The following ZSCAN31 variants were observed in gnomAD, a reference collection of about 807,000 sequenced individuals.
The protein encoded by ZSCAN31 is zinc finger and SCAN domain containing 31.
ZSCAN31 carries 14 observed loss-of-function variants against 22.5 expected under a neutral mutation model. The ratio of observed to expected loss-of-function variants is 0.62; its 90% CI spans 0.41 to 0.97. The LOEUF is 0.97. Among genes scored for constraint, ZSCAN31 ranks in the 50% least tolerant of loss-of-function variants. The probability of loss-of-function intolerance (pLI) is 0.00; values close to 1 mark genes in which losing one functional copy is unlikely to be tolerated. For synonymous variants in ZSCAN31, 168 were observed against 169.8 expected, an observed-to-expected ratio of 0.99 and a Z score of 0.08; for missense variants, 424 against 483.4, an observed-to-expected ratio of 0.88 and a Z score of 1.15.
chr6:28,335,644 T>C (rs1764102262), intron 1 of ZSCAN31, among the ~76,000 whole-genome samples: 1 of 152,182 alleles, frequency 6.6e-6, no homozygotes, highest in African/African-American at 2.4e-5. Context: ...CAGCTCCTGA[T>C]TGGTCCCGGA....
At chr6:28,328,949 TTCTC>T (rs1554141097) in intron 2 of ZSCAN31, among the ~76,000 whole-genome samples, 1 of 152,146 alleles carries the variant, frequency 6.6e-6, no homozygotes, top group Non-Finnish European at 1.5e-5. Flanking sequence ...GCTTTTTCCT[TTCTC>T]TCTCTTTCTC....
chr6:28,326,358 C>T lies in ZSCAN31; in HGVS notation c.1029G>A (p.Arg343=), dbSNP rs1763261656. ...LLSSCLVQHQ[R]IHTGEKRYQC... ...GATAGCGCTTCTCTCCAGTGTGTAT[C>T]CTCTGATGCTGAACAAGGCATGAGC... The change falls in exon 4 of 4, where the codon AGG becomes AGA. Residue 343 remains arginine (R), a synonymous_variant. Transcript: ENST00000344279. 1.2e-6 allele frequency: 2 copies of T among 1,614,168 alleles called. No individual in the cohort carries two copies.
chr6:28,345,906 A>G (rs1261985748), intron 2 of ZSCAN31, among the ~76,000 whole-genome samples: 2 of 152,178 alleles, frequency 1.3e-5, no homozygotes, highest in African/African-American at 4.8e-5. Context: ...TAAACACCCT[A>G]AGACAATAAT....
At chr6:28,345,644 C>T (rs531750567) in intron 2 of ZSCAN31, among the ~76,000 whole-genome samples, 1 of 152,302 alleles carries the variant, frequency 6.6e-6, no homozygotes, top group Non-Finnish European at 1.5e-5. Context: ...TAGGACTCAG[C>T]TAGTACTATT....
At chr6:28,338,664 A>G (rs1764294908), upstream of ZSCAN31, among the ~76,000 whole-genome samples, 1 of 152,090 alleles carries the variant, frequency 6.6e-6, no homozygotes, top group African/African-American at 2.4e-5. Flanking sequence ...AATATCACAA[A>G]CAAAAATCAG....
chr6:28,353,582 ATT>A (rs1765207322), intron 2 of ZSCAN31: 1 of 272,572 alleles, frequency 3.7e-6, no homozygotes, highest in African/African-American at 2.2e-5. Context: ...GAAGGAGTAG[ATT>A]AGGAAGCAAG....
At chr6:28,329,125 G>C (rs556769122) in intron 2 of ZSCAN31, among the ~76,000 whole-genome samples, 178 bp downstream of exon 2, 1 of 152,176 alleles carries the variant, frequency 6.6e-6, no homozygotes, top group Non-Finnish European at 1.5e-5. Context: ...TCTTGGAAGT[G>C]GATCCGCCCA....
At position 28,326,427 on chromosome 6, in the gene ZSCAN31, T is replaced by G; in HGVS notation, c.960A>C (p.Glu320Asp). The G allele has an allele frequency of 6.2e-7, 1 of 1,614,148 alleles. No individual in the cohort carries two copies. The highest frequency in any genetic ancestry group is 2.2e-5 in the East Asian group (1 of 44,886). ...CACACACTTTGCATTCATATGGTTTTTCCCCTGTGTGGATTCTTCTGTGTC... is the reference window on the plus strand; with the variant it reads ...CACACACTTTGCATTCATATGGTTTGTCCCCTGTGTGGATTCTTCTGTGTC... ...LTRHRRIHTG[E>D]KPYECKVCGK... is the part of the protein sequence containing the mutation. Residue 320 changes from glutamate to aspartate, a missense_variant, in exon 4 of 4, where the codon GAA becomes GAC. Glu to Asp is a conservative substitution (Grantham distance 45, BLOSUM62 2). Transcript: ENST00000344279.
At chr6:28,348,057 T>G (rs1764720554) in intron 2 of ZSCAN31, among the ~76,000 whole-genome samples, 1 of 151,608 alleles carries the variant, frequency 6.6e-6, no homozygotes, top group Admixed American at 6.6e-5. Flanking sequence ...TTTTTCTGTA[T>G]GATTGTTGGC....
rs78525390 is a variant in ZSCAN31, at chr6:28,346,291, T to A, written c.-370-4499A>T. 9.8e-3 allele frequency among the ~76,000 whole-genome samples: 1,469 copies of A among 149,706 alleles called. 28 individuals are homozygous for A. The highest frequency in any genetic ancestry group is 0.034 in the African/African-American group (1,384 of 40,826). ...GACAGGGAAAAATGAAGTTTGTCAC[T>A]CAAGTTATCCATTAGGTGTTCTCTT... is the stretch of plus-strand genomic sequence containing the variant. On this transcript the variant is annotated intron_variant, in intron 2 of 7. Transcript: ENST00000396838.
chr6:28,343,109 T>C lies in ZSCAN31; in HGVS notation c.-370-1317A>G, dbSNP rs213242. Among the ~76,000 whole-genome samples the C allele has an allele frequency of 6.7e-3, 1,016 of 152,302 alleles. 3 individuals are homozygous for C. The highest frequency in any genetic ancestry group is 0.019 in the African/African-American group (802 of 41,562). On this transcript the variant is annotated intron_variant, in intron 2 of 7. Transcript: ENST00000396838. The stretch of plus-strand genomic sequence containing the variant: ...AAAGTTCTGGCCCAGATAAGGCTCA[T>C]AGTGGGTCCACAGACACTCTCTGCC...
In ZSCAN31 at chr6:28,326,033, T is replaced by C. The variant is rs950526148; in HGVS notation, c.*133A>G. ...AACAGAATAAGCCACTTGAAAATCT[T>C]ACTTTCCAAGACGGCCCCATTTAGG... is the stretch of plus-strand genomic sequence containing the variant. On this transcript the variant is annotated 3_prime_UTR_variant, in exon 4 of 4. Coordinates refer to ENST00000344279, the MANE Select transcript of ZSCAN31 (RefSeq NM_030899.5). 2.7e-5 allele frequency: 22 copies of C among 820,818 alleles called. No homozygotes were observed. In the East Asian group the frequency reaches 5.1e-4, roughly 19 times the overall value. 50.8% of individuals were successfully genotyped at this position (820,818 alleles called of 1,614,324 possible).
At chr6:28,336,027 C>T (rs537911563) in intron 1 of ZSCAN31, 55 bp downstream of exon 1, 1 of 152,492 alleles carries the variant, frequency 6.6e-6, no homozygotes, top group African/African-American at 2.4e-5. Context: ...CTCCAAGGCA[C>T]AGACCTGAAA....
intron 1 of ZSCAN31, among the ~76,000 whole-genome samples, chr6:28,334,758 C>A (rs559856490): frequency 1.3e-5 from 2 of 152,112 alleles, no homozygotes; most frequent in African/African-American, 4.8e-5. Context: ...CTAGTTGGTA[C>A]AAACAGGTAT....
Position 28,329,668 on chromosome 6 carries a change from C to T in ZSCAN31, c.16G>A (p.Glu6Lys), listed in dbSNP as rs888371531. 1 of 1,612,454 alleles carries T rather than the reference C, an allele frequency of 6.2e-7. No homozygotes were observed. Among genetic ancestry groups the T allele is most frequent in the Non-Finnish European group, 8.5e-7 (1 of 1,179,024 alleles). The stretch of plus-strand genomic sequence containing the variant: ...TTCACAATCTTAAGATCGTACTGTT[C>T]CTCTGTTGAAGCCATTCCTGGGGTT... MASTE[E>K]QYDLKIVKVE... The change falls in exon 2 of 4, where the codon GAA becomes AAA. Residue 6 changes from glutamate (E) to lysine (K), a missense_variant. Transcript: ENST00000344279.
At chr6:28,327,582 C>T in intron 2 of ZSCAN31, 49 bp from the exon 3 acceptor site, 1 of 1,559,138 alleles carries the variant, frequency 6.4e-7, no homozygotes, top group Non-Finnish European at 8.7e-7. Context: ...TATAGGAGTA[C>T]AAGCTAATAC....
chr6:28,326,551 C>T lies in ZSCAN31; in HGVS notation c.836G>A (p.Arg279Lys). The T allele has an allele frequency of 6.2e-7, 1 of 1,614,166 alleles. No individual in the cohort carries two copies. The highest frequency in any genetic ancestry group is 1.3e-5 in the African/African-American group (1 of 75,038). ...CEECGKAFSR[R>K]SSLNEHRRSH... The stretch of plus-strand genomic sequence containing the variant: ...CCGCCGATGTTCATTCAGGCTTGAC[C>T]TCCGGCTGAAGGCCTTCCCACATTC... Residue 279 changes from arginine to lysine, a missense_variant, in exon 4 of 4, where the codon AGG becomes AAG. Transcript: ENST00000344279.
upstream of ZSCAN31, among the ~76,000 whole-genome samples, chr6:28,354,721 C>G (rs1212501075): frequency 6.6e-6 from 1 of 152,212 alleles, no homozygotes; most frequent in Non-Finnish European, 1.5e-5. Context: ...GCTTCCCTAC[C>G]TTTAGGGTGT....
At position 28,326,165 on chromosome 6, in the gene ZSCAN31, C is replaced by T. The variant is rs771402058; in HGVS notation, c.*1G>A. On this transcript the variant is annotated 3_prime_UTR_variant, in exon 4 of 4. Coordinates refer to ENST00000344279, the MANE Select transcript of ZSCAN31 (RefSeq NM_030899.5). ...TGAAGGCTTTCCCAAACTCATCACC[C>T]TTATGGTCTCTCTCCAGTGTGGATT... is the stretch of plus-strand genomic sequence containing the variant. The T allele has an allele frequency of 6.2e-6, 10 of 1,604,136 alleles. No homozygotes were observed. Among genetic ancestry groups the T allele is most frequent in the Non-Finnish European group, 8.5e-6 (10 of 1,173,984 alleles).
Sources: gnomAD v4.1 joint callset for allele counts (sites outside exome capture counted in the v4.1 genomes callset) on GRCh38, gnomAD v4.1.1 for gene constraint, MANE v1.5 for transcripts, NCBI Gene and HGNC (gene_info 2026-07-23, HGNC 2026-07-21) for gene names.